Variants in FOXK2 observed in about 807,000 individuals in gnomAD.
The protein encoded by FOXK2 is forkhead box K2.
A neutral mutation model predicts 53.3 loss-of-function variants in FOXK2; 24 were observed. The ratio of observed to expected loss-of-function variants is 0.45; its 90% CI spans 0.33 to 0.63. FOXK2 has a LOEUF of 0.63. Ranked by LOEUF, FOXK2 falls within the 30% of genes least tolerant of loss-of-function variation. FOXK2 has a pLI of 0.03. For missense variants in FOXK2, 952 were observed against 910.5 expected (o/e 1.05, Z -0.59); for synonymous variants, 505 against 407.1 (o/e 1.24, Z -2.89).
At chr17:82,526,033 T>TTATGTGGCATGAATCCCTC (rs1222633703) in intron 1 of FOXK2, among the ~76,000 whole-genome samples, 16 of 152,154 alleles carry the variant, frequency 1.1e-4, no homozygotes, top group African/African-American at 3.9e-4. Context: ...ATCCCTCACT[T>TTATGTGGCATGAATCCCTC]TCTTTCTTAT....
intron 1 of FOXK2, among the ~76,000 whole-genome samples, chr17:82,560,817 C>G (rs2144110177): frequency 6.6e-6 from 1 of 152,224 alleles, no homozygotes; most frequent in Middle Eastern, 3.4e-3. Flanking sequence ...GGGAAACAGC[C>G]TGGCATGGTG....
At chr17:82,581,239 G>A (rs965602639) in intron 4 of FOXK2, among the ~76,000 whole-genome samples, 6 of 152,298 alleles carry the variant, frequency 3.9e-5, no homozygotes, top group Non-Finnish European at 5.9e-5. Flanking sequence ...CATGACGTTC[G>A]TCCGGCTTTG....
chr17:82,538,097 C>A (rs74413284), intron 1 of FOXK2, among the ~76,000 whole-genome samples: 22,859 of 151,750 alleles, frequency 0.15, 2,173 homozygotes, highest in East Asian at 0.32. Flanking sequence ...ATGGTCGGTG[C>A]CTGTAATCCC....
chr17:82,583,246 T>C (rs1370457019), intron 5 of FOXK2, among the ~76,000 whole-genome samples: 2 of 152,228 alleles, frequency 1.3e-5, no homozygotes, highest in African/African-American at 4.8e-5. Context: ...GGAAAAGTTC[T>C]TTAAAACTAC....
Position 82,585,981 on chromosome 17 carries a change from A to G in FOXK2, c.1357A>G (p.Thr453Ala), listed in dbSNP as rs755866583. Residue 453 changes from threonine to alanine, a missense_variant, in exon 7 of 9, where the codon ACT becomes GCT. By Grantham distance (58) the Thr-to-Ala change is moderately conservative. Transcript: ENST00000335255. Reference protein sequence around the residue: ...LPQAIKPVTYTVATPVTTSTS... With the variant: ...LPQAIKPVTYAVATPVTTSTS... Reference sequence around the variant, plus strand: ...ACAGGCCATCAAGCCTGTCACCTACACTGTGGCCACCCCAGTGACCACCTC... The same window carrying G: ...ACAGGCCATCAAGCCTGTCACCTACGCTGTGGCCACCCCAGTGACCACCTC... 2.5e-6 allele frequency: 4 copies of G among 1,612,450 alleles called. No homozygotes were observed. Among genetic ancestry groups the G allele is most frequent in the Non-Finnish European group, 3.4e-6 (4 of 1,179,912 alleles).
In FOXK2 at chr17:82,587,280, A is replaced by G. The variant is rs6502124; in HGVS notation, c.1786+8A>G. 0.98 allele frequency: 1,585,194 copies of G among 1,611,106 alleles called. 780,234 individuals are homozygous for G. The highest frequency in any genetic ancestry group is 1 in the East Asian group (44,871 of 44,886). ...ACGGCCAGGTGAACAATGGTAAGAC[A>G]TGCTGGTCGGTGGCTCCCCGTGGCT... On this transcript the variant is annotated splice_region_variant and intron_variant, in intron 8 of 8. Coordinates refer to ENST00000335255, the MANE Select transcript of FOXK2 (RefSeq NM_004514.4).
At chr17:82,575,910 A>G (rs1320736726) in intron 4 of FOXK2, among the ~76,000 whole-genome samples, 1 of 150,094 alleles carries the variant, frequency 6.7e-6, no homozygotes, top group Non-Finnish European at 1.5e-5. Context: ...ACACGTCCAC[A>G]CCAGCGTGTG....
In FOXK2 at chr17:82,576,886, G is replaced by A. The variant is rs368491590; in HGVS notation, c.909+5016G>A. On this transcript the variant is annotated intron_variant, in intron 4 of 8. Transcript: ENST00000335255. ...CCAAAAAAATGTATGCAGGCTGGGT[G>A]CGGTGGCTCACGCCTGTAATCCCAG... 37 of 484,590 alleles carry A rather than the reference G, an allele frequency of 7.6e-5. No individual in the cohort carries two copies. In the East Asian group the frequency reaches 1.4e-3, roughly 19 times the overall value. The allele number at this position is 484,590 out of a possible 1,614,324, so 30.0% of individuals were successfully genotyped here.
chr17:82,592,907 C>T (rs1010128895), intron 8 of FOXK2, among the ~76,000 whole-genome samples: 1 of 150,772 alleles, frequency 6.6e-6, no homozygotes, highest in Non-Finnish European at 1.5e-5. Context: ...CGGGCACAGG[C>T]TCTTATTCTG....
chr17:82,560,704 A>G (rs964503335), intron 1 of FOXK2, among the ~76,000 whole-genome samples: 3 of 152,162 alleles, frequency 2.0e-5, no homozygotes, highest in African/African-American at 4.8e-5. Flanking sequence ...TAAATATATC[A>G]TTTATAGACG....
intron 4 of FOXK2, chr17:82,576,753 A>C: frequency 2.9e-6 from 2 of 697,358 alleles, no homozygotes; most frequent in South Asian, 3.5e-5. Flanking sequence ...AGCATGTCGA[A>C]TATGTCACCA....
At chr17:82,595,375 C>T (rs935213713) in intron 8 of FOXK2, among the ~76,000 whole-genome samples, 1 of 152,170 alleles carries the variant, frequency 6.6e-6, no homozygotes, top group African/African-American at 2.4e-5. Context: ...GATCACAGCT[C>T]AGTGCAGCCT....
chr17:82,577,414 C>T (rs953629457), intron 4 of FOXK2: 9 of 414,294 alleles, frequency 2.2e-5, no homozygotes, highest in African/African-American at 6.4e-5. Context: ...CGAGCAGGCT[C>T]CTACCCCGCC....
At chr17:82,556,743 C>T (rs2044729803) in intron 1 of FOXK2, among the ~76,000 whole-genome samples, 1 of 152,004 alleles carries the variant, frequency 6.6e-6, no homozygotes, top group African/African-American at 2.4e-5. Context: ...GTCACCCAGG[C>T]TAGAGTGCAG....
rs1183893031 is a variant in FOXK2 at position 82,603,185 on chromosome 17, G to A, written c.*1686G>A. 1 of 152,318 alleles carries A rather than the reference G, an allele frequency of 6.6e-6. No individual in the cohort carries two copies. The highest frequency in any genetic ancestry group is 1.5e-5 in the Non-Finnish European group (1 of 68,056). 9.4% of individuals were successfully genotyped at this position (152,318 alleles called of 1,614,324 possible). On this transcript the variant is annotated 3_prime_UTR_variant, in exon 9 of 9. Coordinates refer to ENST00000335255, the MANE Select transcript of FOXK2 (RefSeq NM_004514.4). Reference sequence around the variant, plus strand: ...TAAGAAATAAAAGCAAAACCATCACGTGACTGAGACCGTGTGTGTGACCGC... The same window carrying A: ...TAAGAAATAAAAGCAAAACCATCACATGACTGAGACCGTGTGTGTGACCGC...
chr17:82,603,637 C>G lies in FOXK2; in HGVS notation c.*2138C>G, dbSNP rs1352025526. ...ACTTCTGATCCTGGAACGTGGACTT[C>G]ACATGATAGGTCTGGATCTGTTTCT... On this transcript the variant is annotated 3_prime_UTR_variant, in exon 9 of 9. Coordinates refer to ENST00000335255, the MANE Select transcript of FOXK2 (RefSeq NM_004514.4). 6.6e-6 allele frequency: 1 copy of G among 152,036 alleles called. No homozygotes were observed. Among genetic ancestry groups the G allele is most frequent in the Non-Finnish European group, 1.5e-5 (1 of 68,036 alleles). 9.4% of individuals were successfully genotyped at this position (152,036 alleles called of 1,614,324 possible).
intron 3 of FOXK2, among the ~76,000 whole-genome samples, chr17:82,568,612 AGTT>A (rs1343572971): frequency 1.3e-5 from 2 of 152,216 alleles, no homozygotes; most frequent in Non-Finnish European, 2.9e-5. Flanking sequence ...TTTGGACAGC[AGTT>A]GTTGAGAGTC....
intron 8 of FOXK2, chr17:82,595,923 T>C (rs938600253): frequency 1.6e-6 from 2 of 1,267,918 alleles, no homozygotes; most frequent in Non-Finnish European, 2.1e-6. Context: ...GAACCTGGGA[T>C]GAGAAACGAC....
intron 8 of FOXK2, among the ~76,000 whole-genome samples, chr17:82,590,520 C>CTT (rs2045242735): frequency 6.6e-6 from 1 of 151,960 alleles, no homozygotes; most frequent in South Asian, 2.1e-4. Flanking sequence ...TTTTTAAGTC[C>CTT]TTTGCCCATC....
Sources: gnomAD v4.1 joint callset for allele counts (sites outside exome capture counted in the v4.1 genomes callset) on GRCh38, gnomAD v4.1.1 for gene constraint, MANE v1.5 for transcripts, NCBI Gene and HGNC (gene_info 2026-07-23, HGNC 2026-07-21) for gene names.